ADAM12: variants seen among roughly 807,000 people sequenced by gnomAD.
ADAM12 encodes the protein disintegrin and metalloproteinase domain-containing protein 12.
A neutral mutation model predicts 106.4 loss-of-function variants in ADAM12; 70 were observed. The ratio of observed to expected loss-of-function variants is 0.66; its 90% CI spans 0.54 to 0.80. The LOEUF is 0.80. Among genes scored for constraint, ADAM12 ranks in the 30% least tolerant of loss-of-function variants. The pLI, the probability that ADAM12 is intolerant of heterozygous loss-of-function variation, is 0.00. For synonymous variants in ADAM12, 420 were observed against 433.5 expected, an observed-to-expected ratio of 0.97 and a Z score of 0.39; for missense variants, 1,010 against 1,171.9, an observed-to-expected ratio of 0.86 and a Z score of 2.02.
chr10:126,313,745 A>T (rs1317455053), intron 2 of ADAM12, among the ~76,000 whole-genome samples: 1 of 152,158 alleles, frequency 6.6e-6, no homozygotes, highest in East Asian at 1.9e-4. Context: ...GGTCAACTCT[A>T]GGAAAAAGTG....
intron 12 of ADAM12, among the ~76,000 whole-genome samples, chr10:126,070,181 T>G (rs572187290): frequency 6.6e-6 from 1 of 152,344 alleles, no homozygotes; most frequent in African/African-American, 2.4e-5. Context: ...AGTTTTCCTC[T>G]GCTAATCTTG....
At chr10:126,177,221 G>T (rs1746789144) in intron 3 of ADAM12, among the ~76,000 whole-genome samples, 1 of 151,710 alleles carries the variant, frequency 6.6e-6, no homozygotes, top group South Asian at 2.1e-4. Context: ...ACTTTACCAG[G>T]AGGAAAATAG....
At chr10:126,146,050 T>A (rs991321198) in intron 4 of ADAM12, among the ~76,000 whole-genome samples, 2 of 152,186 alleles carry the variant, frequency 1.3e-5, no homozygotes, top group African/African-American at 4.8e-5. Flanking sequence ...GGGGTCTGGA[T>A]TAAAGCTAGG....
intron 21 of ADAM12, among the ~76,000 whole-genome samples, chr10:126,023,891 A>T (rs1006422056): frequency 1.4e-5 from 2 of 144,090 alleles, no homozygotes; most frequent in South Asian, 2.3e-4. Context: ...ACTATAATTT[A>T]AAAAAGTGAA....
At chr10:126,214,384 A>G (rs1180582616) in intron 3 of ADAM12, among the ~76,000 whole-genome samples, 1 of 152,240 alleles carries the variant, frequency 6.6e-6, no homozygotes, top group African/African-American at 2.4e-5. Flanking sequence ...CTCCTCTGAG[A>G]TAACATTTAT....
chr10:126,120,627 T>C (rs1278398), intron 5 of ADAM12, among the ~76,000 whole-genome samples: 100,881 of 151,638 alleles, frequency 0.67, 34,452 homozygotes, highest in African/African-American at 0.83. Flanking sequence ...GATAAGGGAA[T>C]GTCAGAGAAC....
At chr10:126,298,268 T>A (rs1236554501) in intron 2 of ADAM12, among the ~76,000 whole-genome samples, 1 of 150,278 alleles carries the variant, frequency 6.7e-6, no homozygotes, top group Non-Finnish European at 1.5e-5. Flanking sequence ...GAGATGCAGT[T>A]AAAGGAACTC....
intron 2 of ADAM12, among the ~76,000 whole-genome samples, chr10:126,304,942 G>A (rs1377259977): frequency 1.3e-5 from 2 of 151,898 alleles, no homozygotes; most frequent in Non-Finnish European, 2.9e-5. Flanking sequence ...AATATACCAA[G>A]TGTAAATTAT....
At chr10:126,271,737 G>A (rs1486325323) in intron 3 of ADAM12, among the ~76,000 whole-genome samples, 1 of 152,208 alleles carries the variant, frequency 6.6e-6, no homozygotes, top group East Asian at 1.9e-4. Context: ...ATGCACTCCA[G>A]CCTAGGCAAC....
At chr10:126,346,343 T>A (rs1855138943) in intron 1 of ADAM12, among the ~76,000 whole-genome samples, 1 of 152,248 alleles carries the variant, frequency 6.6e-6, no homozygotes, top group Non-Finnish European at 1.5e-5. Flanking sequence ...TTAGTGAGTT[T>A]CTTAATCCTG....
At position 126,388,414 on chromosome 10, in the gene ADAM12, A is replaced by T. The variant is rs192310753; in HGVS notation, c.-269T>A. On this transcript the variant is annotated 5_prime_UTR_variant, in exon 1 of 23. Coordinates refer to ENST00000448723, the MANE Select transcript of ADAM12 (RefSeq NM_001288973.2). This position sits in a 1 kb window ranked among gnomAD's most constrained non-coding sequence, Gnocchi z 4.4. ...GCCTTGACCGTTGCAATAAATGAGC[A>T]AACTGTCCGAGTTGGCCCGGGGACT... 142 of 306,006 alleles carry T rather than the reference A, an allele frequency of 4.6e-4. No homozygotes were observed. The East Asian group carries it at 7.7e-3, about 17-fold the overall frequency. 19.0% of individuals were successfully genotyped at this position (306,006 alleles called of 1,614,324 possible).
chr10:126,034,424 T>A (rs749955235), intron 21 of ADAM12, among the ~76,000 whole-genome samples: 41 of 151,996 alleles, frequency 2.7e-4, no homozygotes, highest in Non-Finnish European at 5.7e-4. Flanking sequence ...ACAAAAAAAA[T>A]ACAAAGATAT....
At chr10:126,203,498 T>C (rs1351165971) in intron 3 of ADAM12, among the ~76,000 whole-genome samples, 1 of 152,176 alleles carries the variant, frequency 6.6e-6, no homozygotes, top group Non-Finnish European at 1.5e-5. Flanking sequence ...GACGTTCTTT[T>C]TGAATAAATA....
rs116640441 is a variant in ADAM12, at chr10:126,119,845, G to A, written c.417-1621C>T. On this transcript the variant is annotated intron_variant, in intron 5 of 22. Coordinates refer to ENST00000448723, the MANE Select transcript of ADAM12 (RefSeq NM_001288973.2). ...GGTTCCTTCAAACGATGGGAACCTC[G>A]GCCTGCAGCTTGGTTTTCATTTCTC... Among the ~76,000 whole-genome samples the A allele has an allele frequency of 7.6e-4, 116 of 152,242 alleles. 1 individual carries two copies. The highest frequency in any genetic ancestry group is 3.4e-3 in the Middle Eastern group (1 of 294).
intron 2 of ADAM12, among the ~76,000 whole-genome samples, chr10:126,301,628 AG>A (rs1960628569): frequency 6.6e-6 from 1 of 152,144 alleles, no homozygotes; most frequent in East Asian, 1.9e-4. Flanking sequence ...TTGGAGAAGC[AG>A]GTTGTATTTA....
chr10:126,241,164 A>G (rs983828835), intron 3 of ADAM12, among the ~76,000 whole-genome samples: 1 of 152,220 alleles, frequency 6.6e-6, no homozygotes, highest in Non-Finnish European at 1.5e-5. Context: ...GATGTCTAAA[A>G]TAGGCCAATC....
chr10:126,243,333 T>C (rs1373335684), intron 3 of ADAM12, among the ~76,000 whole-genome samples: 1 of 152,160 alleles, frequency 6.6e-6, no homozygotes, highest in Non-Finnish European at 1.5e-5. Context: ...CAATTTTGAG[T>C]GTGTAATTTT....
At chr10:126,130,345 C>T (rs967024064) in intron 5 of ADAM12, among the ~76,000 whole-genome samples, 1 of 152,142 alleles carries the variant, frequency 6.6e-6, no homozygotes. Flanking sequence ...GCACGGTCTG[C>T]TGCTTTTGTA....
At chr10:126,113,687 A>AAATAT (rs1955920039) in intron 6 of ADAM12, among the ~76,000 whole-genome samples, 4 of 24,134 alleles carry the variant, frequency 1.7e-4, no homozygotes, top group East Asian at 1.9e-3. Context: ...AAAAAAAAAA[A>AAATAT]ATATATATAT....
Sources: allele counts gnomAD v4.1 joint callset (sites outside exome capture counted in the v4.1 genomes callset), GRCh38; gene constraint gnomAD v4.1.1; non-coding constraint Gnocchi (gnomAD v3.1); transcripts MANE v1.5; gene names NCBI Gene and HGNC (gene_info 2026-07-23, HGNC 2026-07-21).